STX12: variants seen among roughly 807,000 people sequenced by gnomAD.
STX12 encodes the protein syntaxin-12.
Under a neutral mutation model 42.2 loss-of-function variants are expected in STX12, and 17 were observed. The ratio of observed to expected loss-of-function variants is 0.40; its 90% CI spans 0.28 to 0.60. STX12 has a LOEUF of 0.60. STX12 is among the 20% of genes least tolerant of loss of function. STX12 has a pLI of 0.39. For missense variants in STX12, 297 were observed against 330.9 expected, an observed-to-expected ratio of 0.90 and a Z score of 0.79; for synonymous variants, 108 against 116.7, an observed-to-expected ratio of 0.93 and a Z score of 0.48.
chr1:27,812,566 C>G (rs1047661297), intron 6 of STX12, among the ~76,000 whole-genome samples: 2 of 151,870 alleles, frequency 1.3e-5, no homozygotes, highest in Non-Finnish European at 2.9e-5. Context: ...CTCAGACTCT[C>G]GAGTAGCTGG....
At chr1:27,816,902 CA>C (rs1308059393) in intron 6 of STX12, among the ~76,000 whole-genome samples, 3 of 133,558 alleles carry the variant, frequency 2.2e-5, no homozygotes, top group African/African-American at 5.6e-5. Flanking sequence ...GGTGACAGAG[CA>C]AGACTCTGTC....
At chr1:27,775,215 A>G (rs958571194) in intron 1 of STX12, among the ~76,000 whole-genome samples, 1 of 152,180 alleles carries the variant, frequency 6.6e-6, no homozygotes, top group African/African-American at 2.4e-5. Context: ...TGTATTTTAT[A>G]TATATATAAA....
chr1:27,823,890 G>A lies in STX12; in HGVS notation c.*1561G>A, dbSNP rs931018435. 6.6e-6 allele frequency: 1 copy of A among 152,258 alleles called. No homozygotes were observed. The highest frequency in any genetic ancestry group is 2.4e-5 in the African/African-American group (1 of 41,420). The allele number at this position is 152,258 out of a possible 1,614,324, so 9.4% of individuals were successfully genotyped here. On this transcript the variant is annotated 3_prime_UTR_variant, in exon 9 of 9. Transcript: ENST00000373943. ...CCAGGTGAGGGTTGGTTTGGAGACG[G>A]AATAGGTGTAGCTGCCTTTCCTTGA...
chr1:27,780,904 AG>A (rs1161618663), intron 1 of STX12, among the ~76,000 whole-genome samples: 1 of 151,748 alleles, frequency 6.6e-6, no homozygotes, highest in Admixed American at 6.6e-5. Flanking sequence ...GGTAGCAGTG[AG>A]CCGAGATCAC....
In STX12 at chr1:27,792,328, A is replaced by ATCTATATATATGTATATGCATATATC. The variant is rs1553181732; in HGVS notation, c.189-1204_189-1203insCTATATATATGTATATGCATATATCT. Among the ~76,000 whole-genome samples, 14 of 120,626 alleles carry ATCTATATATATGTATATGCATATATC rather than the reference A, an allele frequency of 1.2e-4. 2 individuals are homozygous for ATCTATATATATGTATATGCATATATC. The highest frequency in any genetic ancestry group is 6.6e-4 in the African/African-American group (12 of 18,268). 79.1% of individuals were successfully genotyped at this position (120,626 alleles called of 152,430 possible). A position where few individuals can be genotyped will look rare whatever the true frequency, so the allele number is the denominator to read the frequency against. On this transcript the variant is annotated intron_variant, in intron 2 of 8. Transcript: ENST00000373943. The stretch of plus-strand genomic sequence containing the variant: ...TCTATATATATGTAGATACATATAT[A>ATCTATATATATGTATATGCATATATC]TGTATCTATATATATGTAGATACAT...
At chr1:27,789,019 A>T (rs7555474) in intron 1 of STX12, among the ~76,000 whole-genome samples, 16,093 of 152,094 alleles carry the variant, frequency 0.11, 1,715 homozygotes, top group East Asian at 0.29. Flanking sequence ...TCAAAAAAAA[A>T]AAATAAATAA....
chr1:27,792,257 GATAC>G (rs1291609659), intron 2 of STX12, among the ~76,000 whole-genome samples: 11 of 62,990 alleles, frequency 1.7e-4, no homozygotes, highest in African/African-American at 1.4e-3. Context: ...TATATATGTA[GATAC>G]ATATATATGT....
At chr1:27,794,741 T>C (rs987505300) in intron 3 of STX12, among the ~76,000 whole-genome samples, 1 of 152,212 alleles carries the variant, frequency 6.6e-6, no homozygotes, top group African/African-American at 2.4e-5. Context: ...TATTTTATTT[T>C]TGAGATAGGG....
chr1:27,792,897 T>G (rs1460636338), intron 2 of STX12, among the ~76,000 whole-genome samples: 1 of 152,212 alleles, frequency 6.6e-6, no homozygotes, highest in East Asian at 1.9e-4. Context: ...TATTCTTTCC[T>G]CTTCAATTCC....
At chr1:27,811,688 TAGG>T in intron 5 of STX12, among the ~76,000 whole-genome samples, 1 of 151,948 alleles carries the variant, frequency 6.6e-6, no homozygotes, top group South Asian at 2.1e-4. Flanking sequence ...TTTGGAAAAC[TAGG>T]AGATGTGATT....
intron 6 of STX12, among the ~76,000 whole-genome samples, chr1:27,817,375 C>G (rs1352422930): frequency 6.6e-6 from 1 of 152,214 alleles, no homozygotes; most frequent in Non-Finnish European, 1.5e-5. Context: ...TCACACAGTT[C>G]CAGAGTCAAT....
intron 6 of STX12, among the ~76,000 whole-genome samples, chr1:27,815,497 CAG>C (rs2088935344): frequency 1.3e-5 from 2 of 152,314 alleles, no homozygotes; most frequent in South Asian, 2.1e-4. Context: ...ACCTCTTCTG[CAG>C]AGTCTTCCTT....
chr1:27,796,316 T>G (rs1480914625), intron 3 of STX12, among the ~76,000 whole-genome samples: 1 of 152,188 alleles, frequency 6.6e-6, no homozygotes, highest in African/African-American at 2.4e-5. Flanking sequence ...CTACTTTCAG[T>G]TTTTTTCCAT....
At chr1:27,774,644 C>G (rs2148595030) in intron 1 of STX12, among the ~76,000 whole-genome samples, 1 of 152,036 alleles carries the variant, frequency 6.6e-6, no homozygotes, top group Non-Finnish European at 1.5e-5. Flanking sequence ...CAGGCGTGAG[C>G]CACTGTGCCT....
intron 5 of STX12, chr1:27,811,857 C>G (rs1176053537): frequency 7.1e-6 from 3 of 420,486 alleles, no homozygotes; most frequent in African/African-American, 6.2e-5. Context: ...GGCTACTTTC[C>G]TTGTCTGGCA....
At chr1:27,800,490 TGTG>T (rs1464369773) in intron 3 of STX12, among the ~76,000 whole-genome samples, 1 of 7,788 alleles carries the variant, frequency 1.3e-4, no homozygotes, top group Non-Finnish European at 1.9e-4. Flanking sequence ...CAGTATGTGG[TGTG>T]TGTGTGTGTG....
At chr1:27,783,391 G>A (rs1344165052) in intron 1 of STX12, among the ~76,000 whole-genome samples, 1 of 152,186 alleles carries the variant, frequency 6.6e-6, no homozygotes, top group African/African-American at 2.4e-5. Context: ...CTGGAGTGCA[G>A]TGGCACGATC....
At chr1:27,815,478 T>C (rs1015751066) in intron 6 of STX12, among the ~76,000 whole-genome samples, 1 of 152,228 alleles carries the variant, frequency 6.6e-6, no homozygotes, top group Non-Finnish European at 1.5e-5. Context: ...AAGGCACAAC[T>C]CATGTCTTAC....
intron 1 of STX12, among the ~76,000 whole-genome samples, chr1:27,782,513 A>G (rs1488446984): frequency 6.6e-6 from 1 of 152,140 alleles, no homozygotes; most frequent in Admixed American, 6.6e-5. Flanking sequence ...TTTAGTCTAG[A>G]ACTTTACTGT....
Sources: gnomAD v4.1 joint callset for allele counts (sites outside exome capture counted in the v4.1 genomes callset) on GRCh38, gnomAD v4.1.1 for gene constraint, MANE v1.5 for transcripts, NCBI Gene and HGNC (gene_info 2026-07-23, HGNC 2026-07-21) for gene names.